TAB2: variants seen among roughly 807,000 people sequenced by gnomAD.
TAB2 encodes TGF-beta activated kinase 1 (MAP3K7) binding protein 2, also known as TGF-beta-activated kinase 1 and MAP3K7-binding protein 2.
In TAB2, 3 loss-of-function variants were observed where a neutral mutation model predicts 65.0. The ratio of observed to expected loss-of-function variants is 0.05; its 90% CI spans 0.02 to 0.12. The LOEUF (loss-of-function observed/expected upper bound fraction) is 0.12. Among genes scored for constraint, TAB2 ranks in the 10% least tolerant of loss-of-function variants. TAB2 has a pLI of 1.00. For synonymous variants in TAB2, 298 were observed against 285.1 expected, an observed-to-expected ratio of 1.05 and a Z score of -0.46; for missense variants, 623 against 840.3, an observed-to-expected ratio of 0.74 and a Z score of 3.20.
At chr6:149,272,432 A>G (rs1024260987) in intron 1 of TAB2, among the ~76,000 whole-genome samples, 2 of 152,216 alleles carry the variant, frequency 1.3e-5, no homozygotes, top group African/African-American at 4.8e-5. Context: ...CTAGAAGAGA[A>G]TCCACTTCTT....
chr6:149,232,177 G>A (rs1035826355), intron 1 of TAB2, among the ~76,000 whole-genome samples: 5 of 152,142 alleles, frequency 3.3e-5, no homozygotes, highest in Non-Finnish European at 5.9e-5. Flanking sequence ...GGAAGAGCAC[G>A]AGGCCAGGCC....
chr6:149,408,262 T>G (rs1157032447), intron 6 of TAB2, among the ~76,000 whole-genome samples: 1 of 152,188 alleles, frequency 6.6e-6, no homozygotes, highest in Non-Finnish European at 1.5e-5. Context: ...AAGACTTAAT[T>G]CGATGTTTGT....
chr6:149,317,768 T>TC lies in TAB2; in HGVS notation c.-332dup, dbSNP rs1166555217. On this transcript the variant is annotated 5_prime_UTR_variant, in exon 1 of 7. Transcript: ENST00000637181. The surrounding 1 kb of genome is among the most constrained non-coding windows in gnomAD (Gnocchi z 4.7). ...GGCGACCCAGCCCGACCCCCTCCCC[T>TC]CCCCCTCAGCCAGGAGCGGTGGCGG... is the stretch of plus-strand genomic sequence containing the variant. 6.3e-6 allele frequency: 1 copy of TC among 158,464 alleles called. No homozygotes were observed. Among genetic ancestry groups the TC allele is most frequent in the African/African-American group, 2.5e-5 (1 of 40,254 alleles). The allele number at this position is 158,464 out of a possible 1,614,324, so 9.8% of individuals were successfully genotyped here.
chr6:149,263,115 C>G (rs1178245991), intron 1 of TAB2, among the ~76,000 whole-genome samples: 8 of 152,158 alleles, frequency 5.3e-5, no homozygotes, highest in Admixed American at 3.9e-4. Context: ...TCTCTTCACT[C>G]TTTCTAAGAG....
chr6:149,326,996 G>A (rs903849782), intron 1 of TAB2, among the ~76,000 whole-genome samples: 4 of 152,154 alleles, frequency 2.6e-5, no homozygotes, highest in African/African-American at 9.6e-5. Context: ...TTGCTTTTTT[G>A]TAGTTTGCAA....
chr6:149,335,738 A>G (rs945160760), intron 1 of TAB2, among the ~76,000 whole-genome samples: 2 of 151,998 alleles, frequency 1.3e-5, no homozygotes, highest in East Asian at 1.9e-4. Flanking sequence ...GAAAAATACA[A>G]TTTTATGAAG....
intron 3 of TAB2, among the ~76,000 whole-genome samples, chr6:149,380,355 G>T (rs1029620842): frequency 2.6e-5 from 4 of 152,128 alleles, no homozygotes; most frequent in African/African-American, 7.2e-5. Context: ...TTTGAATCTT[G>T]TTCCTGATAT....
chr6:149,245,667 G>C (rs1279062108), intron 1 of TAB2: 1 of 151,824 alleles, frequency 6.6e-6, no homozygotes, highest in Non-Finnish European at 1.5e-5. Flanking sequence ...GTGTTTTGCT[G>C]TTTGTTTATA....
intron 1 of TAB2, among the ~76,000 whole-genome samples, chr6:149,279,157 A>C (rs992491842): frequency 4.6e-5 from 7 of 152,168 alleles, no homozygotes; most frequent in Non-Finnish European, 1.0e-4. Flanking sequence ...GGTCCCCTAC[A>C]ACCTCATTGC....
intron 6 of TAB2, among the ~76,000 whole-genome samples, chr6:149,399,458 C>CA (rs1782291074): frequency 6.6e-6 from 1 of 151,872 alleles, no homozygotes. Flanking sequence ...GGTTAAAAAA[C>CA]AATTACTAAG....
intron 1 of TAB2, among the ~76,000 whole-genome samples, chr6:149,325,573 A>G (rs1376994415): frequency 6.6e-6 from 1 of 152,158 alleles, no homozygotes; most frequent in Non-Finnish European, 1.5e-5. Flanking sequence ...GAAAAGCTGC[A>G]TTTTCAATTT....
rs191031933 is a variant in TAB2 at position 149,362,923 on chromosome 6, C to G, written c.-89-6986C>G. Among the ~76,000 whole-genome samples, 364 of 152,208 alleles carry G rather than the reference C, an allele frequency of 2.4e-3. 2 individuals carry two copies. Among genetic ancestry groups the G allele is most frequent in the African/African-American group, 8.4e-3 (350 of 41,526 alleles). ...CTCCCTCCCATTTCTCCCCATTTTCCCTAGTGTTAGAATTGCAAGAGCTTT... is the reference window on the plus strand; with the variant it reads ...CTCCCTCCCATTTCTCCCCATTTTCGCTAGTGTTAGAATTGCAAGAGCTTT... On this transcript the variant is annotated intron_variant, in intron 1 of 6. Coordinates refer to ENST00000637181, the MANE Select transcript of TAB2 (RefSeq NM_001292034.3).
At chr6:149,379,896 C>T (rs1272704949) in intron 3 of TAB2, 1 of 455,678 alleles carries the variant, frequency 2.2e-6, no homozygotes, top group South Asian at 1.6e-5. Flanking sequence ...CTAGTTGACT[C>T]TCTTGACTAA....
At chr6:149,298,640 C>T (rs1395197414) in intron 1 of TAB2, among the ~76,000 whole-genome samples, 2 of 152,142 alleles carry the variant, frequency 1.3e-5, no homozygotes, top group East Asian at 1.9e-4. Context: ...CTATTTACTA[C>T]ACCTGTAACC....
intron 1 of TAB2, among the ~76,000 whole-genome samples, chr6:149,280,884 A>T (rs1234767212): frequency 1.4e-5 from 2 of 147,348 alleles, no homozygotes; most frequent in African/African-American, 5.0e-5. Context: ...GTGAGCCATG[A>T]TTGTGCTACT....
At chr6:149,320,559 A>G (rs543588129) in intron 1 of TAB2, among the ~76,000 whole-genome samples, 2 of 152,180 alleles carry the variant, frequency 1.3e-5, no homozygotes, top group African/African-American at 2.4e-5. Flanking sequence ...AAATGTACAT[A>G]TGTGTATCTG....
chr6:149,386,152 A>T (rs9373589), intron 3 of TAB2, among the ~76,000 whole-genome samples: 6 of 152,104 alleles, frequency 3.9e-5, no homozygotes, highest in Admixed American at 3.9e-4. Context: ...CTGTGAACAC[A>T]CGGGATTATA....
chr6:149,402,710 A>G (rs1177711154), intron 6 of TAB2, among the ~76,000 whole-genome samples: 1 of 152,200 alleles, frequency 6.6e-6, no homozygotes, highest in African/African-American at 2.4e-5. Flanking sequence ...ACTGATGAAC[A>G]TAGACGCAAA....
chr6:149,409,426 T>A, intron 6 of TAB2, 151 bp from the exon 7 acceptor site: 2 of 682,302 alleles, frequency 2.9e-6, no homozygotes, highest in South Asian at 3.5e-5. Flanking sequence ...AGGTTGGTAG[T>A]GATCGAGCAT....
Sources: gnomAD v4.1 joint callset for allele counts (sites outside exome capture counted in the v4.1 genomes callset) on GRCh38, gnomAD v4.1.1 for gene constraint, Gnocchi (gnomAD v3.1) non-coding constraint, MANE v1.5 for transcripts, NCBI Gene and HGNC (gene_info 2026-07-23, HGNC 2026-07-21) for gene names.